ZBTB40: variants seen among roughly 807,000 people sequenced by gnomAD.
ZBTB40 encodes zinc finger and BTB domain containing 40.
ZBTB40 carries 60 observed loss-of-function variants against 117.5 expected under a neutral mutation model. That is an observed-to-expected ratio of 0.51 (90% confidence interval 0.41 to 0.63). The LOEUF (loss-of-function observed/expected upper bound fraction) is 0.63. Among genes scored for constraint, ZBTB40 ranks in the 30% least tolerant of loss-of-function variants. The probability of loss-of-function intolerance (pLI) is 0.00; values close to 1 mark genes in which losing one functional copy is unlikely to be tolerated. For missense variants in ZBTB40, 1,287 were observed against 1,498.5 expected (o/e 0.86, Z 2.33); for synonymous variants, 525 against 577.1 (o/e 0.91, Z 1.29).
intron 12 of ZBTB40, among the ~76,000 whole-genome samples, chr1:22,515,308 T>C (rs1369814610): frequency 1.3e-5 from 2 of 152,216 alleles, no homozygotes. Flanking sequence ...GGCTGGACCT[T>C]GGAGGGTCTT....
chr1:22,431,981 TAA>T (rs11340582), intron 1 of ZBTB40, among the ~76,000 whole-genome samples: 23 of 151,070 alleles, frequency 1.5e-4, no homozygotes, highest in African/African-American at 2.2e-4. Context: ...ACTTTTCAGC[TAA>T]AAAAAAAAAT....
At position 22,526,969 on chromosome 1, in the gene ZBTB40, C is replaced by A; in HGVS notation, c.*573C>A. ...TGGGGTTCCCCCTCCACCCAGTGGC[C>A]ACGCCCAGCACCCTATTGATGGCTA... On this transcript the variant is annotated 3_prime_UTR_variant, in exon 18 of 18. Transcript: ENST00000375647. 5.1e-6 allele frequency: 1 copy of A among 196,876 alleles called. No individual in the cohort carries two copies. Among genetic ancestry groups the A allele is most frequent in the Non-Finnish European group, 1.1e-5 (1 of 94,296 alleles). The allele number at this position is 196,876 out of a possible 1,614,324, so 12.2% of individuals were successfully genotyped here. A position where few individuals can be genotyped will look rare whatever the true frequency, so the allele number is the denominator to read the frequency against.
chr1:22,510,545 G>T (rs538646055), intron 9 of ZBTB40, among the ~76,000 whole-genome samples: 3 of 152,270 alleles, frequency 2.0e-5, no homozygotes, highest in East Asian at 3.9e-4. Context: ...GGATGGTTTA[G>T]CTTTATTTTC....
At chr1:22,435,294 C>A (rs1640655519) in intron 1 of ZBTB40, among the ~76,000 whole-genome samples, 1 of 152,172 alleles carries the variant, frequency 6.6e-6, no homozygotes, top group Non-Finnish European at 1.5e-5. Context: ...CGCCATTGTG[C>A]CCAGCTTATC....
intron 1 of ZBTB40, among the ~76,000 whole-genome samples, chr1:22,429,380 CA>C (rs1051660908): frequency 2.7e-4 from 36 of 135,550 alleles, no homozygotes; most frequent in South Asian, 2.3e-4. Flanking sequence ...GACTCCGCCT[CA>C]AAAAAAAAAA....
At chr1:22,471,891 C>T (rs1641415274) in intron 1 of ZBTB40, among the ~76,000 whole-genome samples, 1 of 152,196 alleles carries the variant, frequency 6.6e-6, no homozygotes, top group African/African-American at 2.4e-5. Context: ...GCAGAGTAAG[C>T]CACCGGCGAG....
chr1:22,488,530 A>G (rs1263233396), intron 1 of ZBTB40, among the ~76,000 whole-genome samples: 1 of 152,188 alleles, frequency 6.6e-6, no homozygotes, highest in Non-Finnish European at 1.5e-5. Flanking sequence ...GCCCTGAGTC[A>G]GAGAACGCAG....
intron 13 of ZBTB40, among the ~76,000 whole-genome samples, 180 bp from the exon 14 acceptor site, chr1:22,519,881 G>A (rs1410129006): frequency 6.6e-6 from 1 of 152,128 alleles, no homozygotes; most frequent in African/African-American, 2.4e-5. Flanking sequence ...TGAAGGTGGG[G>A]GTAGTCAGGT....
chr1:22,498,204 T>G (rs1638830016), intron 3 of ZBTB40, among the ~76,000 whole-genome samples: 1 of 152,256 alleles, frequency 6.6e-6, no homozygotes, highest in African/African-American at 2.4e-5. Flanking sequence ...CCTTTACCCC[T>G]GAGAATTAAG....
rs1347192622 is a variant in ZBTB40, at chr1:22,490,329, G to C, written c.381G>C (p.Arg127Ser). ...VNCSVQGQVV[R>S]DVSAPSSETF... ...GCTCGGTTCAGGGTCAGGTGGTAAG[G>C]GATGTCTCTGCGCCATCCTCAGAGA... is the stretch of plus-strand genomic sequence containing the variant. Residue 127 changes from arginine to serine, a missense_variant, in exon 2 of 18, where the codon AGG (arginine) becomes AGC (serine). This residue lies in a region of ZBTB40 where 870 missense variants were observed against 934.4 expected (regional missense o/e 0.93). Coordinates refer to ENST00000375647, the MANE Select transcript of ZBTB40 (RefSeq NM_014870.4). 2 of 1,614,136 alleles carry C rather than the reference G, an allele frequency of 1.2e-6. No individual in the cohort carries two copies. Among genetic ancestry groups the C allele is most frequent in the Admixed American group, 1.7e-5 (1 of 60,014 alleles).
chr1:22,490,026 C>T lies in ZBTB40; in HGVS notation c.78C>T (p.Cys26=), dbSNP rs2124429623. ...GCAAGGAGCAGCAGTTCTGTGATTG[C>T]ACCATCTCCATTGGTACCATTTACT... The part of the protein sequence containing the change: ...TLCKEQQFCD[C]TISIGTIYFR... Residue 26 remains cysteine (C), a synonymous_variant, in exon 2 of 18, where the codon TGC becomes TGT. Coordinates refer to ENST00000375647, the MANE Select transcript of ZBTB40 (RefSeq NM_014870.4). The T allele has an allele frequency of 1.2e-6, 2 of 1,614,114 alleles. No individual in the cohort carries two copies. The highest frequency in any genetic ancestry group is 1.7e-6 in the Non-Finnish European group (2 of 1,180,022).
chr1:22,518,996 C>G (rs896010085), intron 13 of ZBTB40, among the ~76,000 whole-genome samples: 3 of 152,182 alleles, frequency 2.0e-5, no homozygotes, highest in African/African-American at 7.2e-5. Context: ...TCCAGGCCCC[C>G]CTCTCTCTCC....
upstream of ZBTB40, among the ~76,000 whole-genome samples, chr1:22,450,071 G>A (rs1423503494): frequency 6.6e-6 from 1 of 151,974 alleles, no homozygotes; most frequent in Non-Finnish European, 1.5e-5. Flanking sequence ...AGCATCCTGA[G>A]TAACTGGGAT....
chr1:22,480,138 T>G (rs1404261044), intron 1 of ZBTB40, among the ~76,000 whole-genome samples: 1 of 152,198 alleles, frequency 6.6e-6, no homozygotes, highest in Non-Finnish European at 1.5e-5. Context: ...ACTCCTGACC[T>G]CGAGTGATCC....
At chr1:22,448,240 A>G (rs542048912), upstream of ZBTB40, among the ~76,000 whole-genome samples, 1 of 152,314 alleles carries the variant, frequency 6.6e-6, no homozygotes, top group African/African-American at 2.4e-5. Flanking sequence ...CAATCGATCT[A>G]TCTCTCTTGG....
chr1:22,479,459 G>A (rs1638229896), intron 1 of ZBTB40, among the ~76,000 whole-genome samples: 1 of 151,972 alleles, frequency 6.6e-6, no homozygotes, highest in East Asian at 1.9e-4. Context: ...GTTGATTGGT[G>A]TTTTCCTTAA....
intron 17 of ZBTB40, among the ~76,000 whole-genome samples, chr1:22,525,584 G>T (rs1444373461): frequency 6.6e-6 from 1 of 152,238 alleles, no homozygotes; most frequent in Non-Finnish European, 1.5e-5. Flanking sequence ...TGGAAAGGTG[G>T]TCTCTAACAG....
chr1:22,508,692 A>G lies in ZBTB40; in HGVS notation c.1660A>G (p.Ile554Val), dbSNP rs755809587. 93 of 1,614,144 alleles carry G rather than the reference A, an allele frequency of 5.8e-5. No individual in the cohort carries two copies. The Middle Eastern group carries it at 4.7e-3, about 81-fold the overall frequency. Residue 554 changes from isoleucine (I) to valine (V), a missense_variant, in exon 8 of 18, where the codon ATA becomes GTA. Around this residue, in one of 2 missense-constraint regions of ZBTB40, gnomAD observed 870 missense variants for 934.4 expected, o/e 0.93. Coordinates refer to ENST00000375647, the MANE Select transcript of ZBTB40 (RefSeq NM_014870.4). The part of the protein sequence containing the change: ...TCPLDLLMEE[I>V]RREPGADAFF... ...TCCATTGGACCTGCTCATGGAGGAA[A>G]TACGAAGGGAGCCTGGTGCCGATGC...
chr1:22,448,758 A>C (rs1486157037), upstream of ZBTB40, among the ~76,000 whole-genome samples: 1 of 152,080 alleles, frequency 6.6e-6, no homozygotes, highest in African/African-American at 2.4e-5. Flanking sequence ...AGTGAGATAA[A>C]TGATTGCTAT....
Sources: gnomAD v4.1 joint callset for allele counts (sites outside exome capture counted in the v4.1 genomes callset) on GRCh38, gnomAD v4.1.1 for gene constraint, gnomAD v4.1.1 regional missense constraint, MANE v1.5 for transcripts, NCBI Gene and HGNC (gene_info 2026-07-23, HGNC 2026-07-21) for gene names.